Variants in CAPZB observed in about 807,000 individuals in gnomAD.
The protein encoded by CAPZB is capping actin protein of muscle Z-line subunit beta.
In CAPZB, 2 loss-of-function variants were observed where a neutral mutation model predicts 38.1. The observed-to-expected ratio is 0.05, with a 90% CI of 0.02 to 0.17. CAPZB has a LOEUF of 0.17. Ranked by LOEUF, CAPZB falls within the 10% of genes least tolerant of loss-of-function variation. The pLI, the probability that CAPZB is intolerant of heterozygous loss-of-function variation, is 1.00. For synonymous variants in CAPZB, 107 were observed against 127.4 expected (o/e 0.84, Z 1.08); for missense variants, 161 against 334.2 (o/e 0.48, Z 4.04).
intron 2 of CAPZB, among the ~76,000 whole-genome samples, chr1:19,389,866 A>G (rs577727873): frequency 5.9e-5 from 9 of 152,354 alleles, no homozygotes; most frequent in Admixed American, 2.0e-4. Context: ...AGTAACACTA[A>G]TATCAACTGA....
intron 2 of CAPZB, among the ~76,000 whole-genome samples, chr1:19,388,307 G>A (rs946543765): frequency 3.3e-5 from 5 of 152,098 alleles, no homozygotes; most frequent in Non-Finnish European, 7.4e-5. Context: ...CAAGGACTTC[G>A]ATCTTACTCA....
At chr1:19,395,133 T>C (rs2094259756) in intron 2 of CAPZB, among the ~76,000 whole-genome samples, 1 of 152,222 alleles carries the variant, frequency 6.6e-6, no homozygotes, top group Non-Finnish European at 1.5e-5. Flanking sequence ...AGTGGATTTT[T>C]CGTCACGTAA....
At chr1:19,452,801 T>C (rs1485462254) in intron 1 of CAPZB, among the ~76,000 whole-genome samples, 5 of 149,354 alleles carry the variant, frequency 3.3e-5, no homozygotes, top group Non-Finnish European at 7.4e-5. Flanking sequence ...TTCTTTTTTT[T>C]TTTTTTTTTT....
rs1418057080 is a variant in CAPZB, at chr1:19,364,387, G to T, written c.330-6824C>A. 2.6e-5 allele frequency among the ~76,000 whole-genome samples: 4 copies of T among 152,168 alleles called. No individual in the cohort carries two copies. The East Asian group carries it at 7.7e-4, about 29-fold the overall frequency. The stretch of plus-strand genomic sequence containing the variant: ...CTGCTTACACACCTCCAGTGACAGT[G>T]AACTCATTACATTCCTGAGGCAAAC... On this transcript the variant is annotated intron_variant, in intron 4 of 8. Coordinates refer to ENST00000264202, the MANE Select transcript of CAPZB (RefSeq NM_004930.5).
rs530331992 is a variant in CAPZB, at chr1:19,432,903, C to G, written c.4-13153G>C. On this transcript the variant is annotated intron_variant, in intron 1 of 8. Coordinates refer to ENST00000264202, the MANE Select transcript of CAPZB (RefSeq NM_004930.5). The stretch of plus-strand genomic sequence containing the variant: ...AATGAGTCTCTTCTCCCGGGATGAA[C>G]AAATTATGGACAATGTCATCTACTA... Among the ~76,000 whole-genome samples, 5 of 152,320 alleles carry G rather than the reference C, an allele frequency of 3.3e-5. No homozygotes were observed. The East Asian group carries it at 9.6e-4, about 29-fold the overall frequency.
At chr1:19,349,297 C>T (rs2093978976) in intron 6 of CAPZB, among the ~76,000 whole-genome samples, 1 of 152,058 alleles carries the variant, frequency 6.6e-6, no homozygotes, top group Non-Finnish European at 1.5e-5. Flanking sequence ...AGGCTCAGGG[C>T]TGGGTGGAGT....
In CAPZB at chr1:19,417,127, T is replaced by G. The variant is rs986981244; in HGVS notation, c.93+2534A>C. ...CCCGCACGGGCAGCAAGGGAGCCAG[T>G]TGACCAGGTTTTCATAAAAGCAGCT... On this transcript the variant is annotated intron_variant, in intron 2 of 8. Coordinates refer to ENST00000264202, the MANE Select transcript of CAPZB (RefSeq NM_004930.5). Among the ~76,000 whole-genome samples the G allele has an allele frequency of 2.6e-5, 4 of 152,208 alleles. No homozygotes were observed. In the South Asian group the frequency reaches 6.2e-4, roughly 24 times the overall value.
chr1:19,432,662 G>A (rs575532849), intron 1 of CAPZB, among the ~76,000 whole-genome samples: 128 of 152,344 alleles, frequency 8.4e-4, no homozygotes, highest in African/African-American at 2.9e-3. Context: ...GCAGGAGGTG[G>A]CTCTTGGGTA....
intron 6 of CAPZB, among the ~76,000 whole-genome samples, chr1:19,353,025 C>T (rs984860599): frequency 2.6e-5 from 4 of 152,240 alleles, no homozygotes; most frequent in African/African-American, 4.8e-5. Flanking sequence ...CCAAAGCTGG[C>T]GGCCTTCTCC....
At chr1:19,484,428 C>G in intron 1 of CAPZB, 1 of 1,517,704 alleles carries the variant, frequency 6.6e-7, no homozygotes, top group Non-Finnish European at 8.8e-7. Context: ...GGACCCCGGC[C>G]TGCCCTGCAG....
chr1:19,436,562 G>T (rs1570264379), intron 1 of CAPZB, among the ~76,000 whole-genome samples: 1 of 152,166 alleles, frequency 6.6e-6, no homozygotes, highest in East Asian at 1.9e-4. Flanking sequence ...TGAAGGAAAA[G>T]AAATTTGTGC....
chr1:19,470,784 T>C (rs1224821755), intron 1 of CAPZB, among the ~76,000 whole-genome samples: 2 of 152,228 alleles, frequency 1.3e-5, no homozygotes, highest in Non-Finnish European at 2.9e-5. Flanking sequence ...TAAATCTGTA[T>C]CATTCTGAAT....
intron 6 of CAPZB, among the ~76,000 whole-genome samples, chr1:19,355,227 C>T (rs2094013930): frequency 1.3e-5 from 2 of 152,148 alleles, no homozygotes; most frequent in Non-Finnish European, 2.9e-5. Context: ...GGTGTGGTGG[C>T]TTATGCCTGT....
chr1:19,429,877 G>A lies in CAPZB; in HGVS notation c.4-10127C>T, dbSNP rs117478993. Among the ~76,000 whole-genome samples the A allele has an allele frequency of 1.2e-3, 186 of 152,146 alleles. 2 individuals carry two copies. The South Asian group carries it at 0.013, about 10-fold the overall frequency. On this transcript the variant is annotated intron_variant, in intron 1 of 8. Transcript: ENST00000264202. Reference sequence around the variant, plus strand: ...CAACCGCCCCTGCCCTGAGTACGACGGAGCACATGGCTTCCCTAAAGCCAC... The same window carrying A: ...CAACCGCCCCTGCCCTGAGTACGACAGAGCACATGGCTTCCCTAAAGCCAC...
At chr1:19,448,710 C>T in intron 1 of CAPZB, 1 of 1,249,130 alleles carries the variant, frequency 8.0e-7, no homozygotes, top group Non-Finnish European at 1.1e-6. Flanking sequence ...GTAGACTGTG[C>T]CTTGTGGATT....
At chr1:19,463,544 C>T (rs1254900424) in intron 1 of CAPZB, among the ~76,000 whole-genome samples, 2 of 152,242 alleles carry the variant, frequency 1.3e-5, no homozygotes. Flanking sequence ...TTACTCCCCA[C>T]CTTAAATGGT....
chr1:19,477,152 C>T (rs889946455), intron 1 of CAPZB, among the ~76,000 whole-genome samples: 1 of 152,240 alleles, frequency 6.6e-6, no homozygotes, highest in Admixed American at 6.5e-5. Context: ...TGAGTGAACA[C>T]TCAATACCAG....
At chr1:19,457,338 G>A (rs563750406) in intron 1 of CAPZB, among the ~76,000 whole-genome samples, 3 of 152,276 alleles carry the variant, frequency 2.0e-5, no homozygotes, top group East Asian at 3.9e-4. Context: ...GACAAGGTCC[G>A]CAGTGCTCGC....
chr1:19,382,824 G>T (rs2094182538), intron 3 of CAPZB, among the ~76,000 whole-genome samples: 1 of 152,166 alleles, frequency 6.6e-6, no homozygotes, highest in Non-Finnish European at 1.5e-5. Flanking sequence ...TAATAATGAT[G>T]TTGATTAAGC....
Sources: gnomAD v4.1 joint callset for allele counts (sites outside exome capture counted in the v4.1 genomes callset) on GRCh38, gnomAD v4.1.1 for gene constraint, MANE v1.5 for transcripts, NCBI Gene and HGNC (gene_info 2026-07-23, HGNC 2026-07-21) for gene names.